The following FARS2 variants were observed in gnomAD, a reference collection of about 807,000 sequenced individuals.
FARS2 encodes phenylalanine--tRNA ligase, mitochondrial.
FARS2 carries 40 observed loss-of-function variants against 46.4 expected under a neutral mutation model. The observed-to-expected ratio is 0.86, with a 90% confidence interval of 0.67 to 1.12. The LOEUF is 1.12. Among genes scored for constraint, FARS2 ranks in the 50% most tolerant of loss-of-function variants. The pLI is 0.00. For synonymous variants in FARS2, 234 were observed against 214.9 expected (o/e 1.09, Z -0.78); for missense variants, 513 against 567.9 (o/e 0.90, Z 0.98).
At chr6:5,375,705 GATATTTCATATCAC>G (rs1212423524) in intron 2 of FARS2, among the ~76,000 whole-genome samples, 1 of 152,012 alleles carries the variant, frequency 6.6e-6, no homozygotes. Context: ...AAATATAAGT[GATATTTCATATCAC>G]ATAAGTGGGA....
intron 6 of FARS2, among the ~76,000 whole-genome samples, chr6:5,710,641 T>G (rs1253963892): frequency 1.3e-5 from 2 of 152,096 alleles, no homozygotes; most frequent in African/African-American, 4.8e-5. Flanking sequence ...AAGACAGAGA[T>G]AGGAATCTGG....
chr6:5,501,401 C>G (rs926893018), intron 4 of FARS2, among the ~76,000 whole-genome samples: 1 of 152,186 alleles, frequency 6.6e-6, no homozygotes, highest in Admixed American at 6.6e-5. Context: ...GGTGACTACA[C>G]AGCTCAGTTT....
At chr6:5,658,709 G>A (rs764468965) in intron 6 of FARS2, among the ~76,000 whole-genome samples, 10 of 152,190 alleles carry the variant, frequency 6.6e-5, no homozygotes, top group Non-Finnish European at 1.0e-4. Flanking sequence ...TTAGCAAAAT[G>A]TATGACTGGA....
At chr6:5,293,507 A>G (rs998350733) in intron 1 of FARS2, among the ~76,000 whole-genome samples, 2 of 152,202 alleles carry the variant, frequency 1.3e-5, no homozygotes, top group African/African-American at 4.8e-5. Context: ...TTAAAACCAC[A>G]ACACTGGGCC....
chr6:5,741,921 G>A (rs9968983), intron 6 of FARS2, among the ~76,000 whole-genome samples: 2,250 of 152,292 alleles, frequency 0.015, 67 homozygotes, highest in African/African-American at 0.048. Flanking sequence ...CAAAGTGCTG[G>A]GATTACAGGC....
intron 5 of FARS2, among the ~76,000 whole-genome samples, chr6:5,559,304 C>A (rs1002182514): frequency 6.6e-6 from 1 of 152,018 alleles, no homozygotes; most frequent in African/African-American, 2.4e-5. Context: ...GCTTGGTTGG[C>A]CAGGCAGGAA....
chr6:5,672,765 C>G (rs1778543263), intron 6 of FARS2, among the ~76,000 whole-genome samples: 1 of 152,156 alleles, frequency 6.6e-6, no homozygotes, highest in Non-Finnish European at 1.5e-5. Flanking sequence ...AATGAGGCCA[C>G]AGTGATTCAT....
intron 3 of FARS2, among the ~76,000 whole-genome samples, chr6:5,410,884 T>C (rs1448013264): frequency 1.3e-5 from 2 of 152,182 alleles, no homozygotes; most frequent in Non-Finnish European, 2.9e-5. Flanking sequence ...ATCTCTATGA[T>C]ATGGGTGTTA....
intron 4 of FARS2, among the ~76,000 whole-genome samples, chr6:5,503,807 A>G (rs34234636): frequency 0.22 from 33,737 of 152,068 alleles, 5,067 homozygotes; most frequent in Non-Finnish European, 0.33. Context: ...GGAAGAACAC[A>G]CTTGCTCTCT....
intron 4 of FARS2, among the ~76,000 whole-genome samples, chr6:5,447,347 ATTAGT>A (rs776571441): frequency 9.9e-5 from 15 of 152,160 alleles, no homozygotes; most frequent in South Asian, 4.1e-4. Context: ...GAAGGAGCAG[ATTAGT>A]TCTGATTGCA....
In FARS2 at chr6:5,337,846, A is replaced by G. The variant is rs528318464; in HGVS notation, c.-21-30704A>G. On this transcript the variant is annotated intron_variant, in intron 1 of 6. Coordinates refer to ENST00000274680, the MANE Select transcript of FARS2 (RefSeq NM_006567.5). ...AGAAATGATTGGCTGTAAAGTGCCTATTTGCTGTTAGGAGTGATTTTGTAA... is the reference window on the plus strand; with the variant it reads ...AGAAATGATTGGCTGTAAAGTGCCTGTTTGCTGTTAGGAGTGATTTTGTAA... Among the ~76,000 whole-genome samples the G allele has an allele frequency of 4.6e-5, 7 of 152,288 alleles. No individual in the cohort carries two copies. The East Asian group carries it at 1.2e-3, about 25-fold the overall frequency.
chr6:5,296,354 G>C (rs1251881495), intron 1 of FARS2, among the ~76,000 whole-genome samples: 1 of 151,992 alleles, frequency 6.6e-6, no homozygotes, highest in South Asian at 2.1e-4. Context: ...TGTTAGCCAG[G>C]ATGGTCTCGA....
chr6:5,344,899 C>T (rs1056576702), intron 1 of FARS2, among the ~76,000 whole-genome samples: 41 of 151,786 alleles, frequency 2.7e-4, no homozygotes, highest in Admixed American at 4.6e-4. Flanking sequence ...AAACAATTCT[C>T]CTGCCTCAAC....
At chr6:5,742,559 C>G (rs1444489019) in intron 6 of FARS2, among the ~76,000 whole-genome samples, 2 of 151,984 alleles carry the variant, frequency 1.3e-5, no homozygotes, top group East Asian at 3.9e-4. Flanking sequence ...GTTGTTTTTT[C>G]TGTACAAAGT....
chr6:5,629,645 A>G (rs542388332), intron 6 of FARS2, among the ~76,000 whole-genome samples: 1 of 152,260 alleles, frequency 6.6e-6, no homozygotes, highest in South Asian at 2.1e-4. Context: ...TAATCCTACT[A>G]TGTGCAGTTT....
At chr6:5,766,159 C>T (rs1452637052) in intron 6 of FARS2, among the ~76,000 whole-genome samples, 1 of 152,198 alleles carries the variant, frequency 6.6e-6, no homozygotes, top group Non-Finnish European at 1.5e-5. Flanking sequence ...TAAAAGAGAA[C>T]TTTTGTTTGC....
At chr6:5,347,811 T>G (rs62386900) in intron 1 of FARS2, among the ~76,000 whole-genome samples, 34,448 of 152,162 alleles carry the variant, frequency 0.23, 4,810 homozygotes, top group East Asian at 0.3. Context: ...CGACATTTGG[T>G]GTTTTCAGTC....
intron 4 of FARS2, among the ~76,000 whole-genome samples, chr6:5,492,796 G>A (rs948081777): frequency 6.6e-6 from 1 of 152,188 alleles, no homozygotes; most frequent in Non-Finnish European, 1.5e-5. Context: ...ACTGTGCCCG[G>A]CTTTCCCTGC....
Position 5,635,606 on chromosome 6 carries a change from G to T in FARS2, c.1217+22286G>T, listed in dbSNP as rs1040157550. ...GTGACACATGTGCTGGTGGGGAAGT[G>T]AGGTAGAGGAAATGAGAAGGACGCC... On this transcript the variant is annotated intron_variant, in intron 6 of 6. Coordinates refer to ENST00000274680, the MANE Select transcript of FARS2 (RefSeq NM_006567.5). Among the ~76,000 whole-genome samples the T allele has an allele frequency of 3.9e-5, 6 of 152,148 alleles. No individual in the cohort carries two copies. The East Asian group carries it at 1.2e-3, about 29-fold the overall frequency.
Sources: allele counts gnomAD v4.1 joint callset (sites outside exome capture counted in the v4.1 genomes callset), GRCh38; gene constraint gnomAD v4.1.1; transcripts MANE v1.5; gene names NCBI Gene and HGNC (gene_info 2026-07-23, HGNC 2026-07-21).